Variants in CIZ1 observed in about 807,000 individuals in gnomAD.
The protein encoded by CIZ1 is cip1-interacting zinc finger protein.
In CIZ1, 58 loss-of-function variants were observed where a neutral mutation model predicts 118.6. The observed-to-expected ratio is 0.49, with a 90% CI of 0.40 to 0.61. The LOEUF (loss-of-function observed/expected upper bound fraction) is 0.61, where lower values mean the gene tolerates loss of function less well. Among genes scored for constraint, CIZ1 ranks in the 20% least tolerant of loss-of-function variants. The probability of loss-of-function intolerance (pLI) is 0.00; values close to 1 mark genes in which losing one functional copy is unlikely to be tolerated. For synonymous variants in CIZ1, 448 were observed against 443.4 expected (o/e 1.01, Z -0.13); for missense variants, 921 against 1,115.9 (o/e 0.83, Z 2.49).
chr9:128,170,731 T>G (rs1180224595), intron 11 of CIZ1, among the ~76,000 whole-genome samples: 5 of 152,258 alleles, frequency 3.3e-5, no homozygotes, highest in Non-Finnish European at 7.3e-5. Flanking sequence ...CAGAACAATT[T>G]GTTGTCTACT....
At position 128,166,933 on chromosome 9, in the gene CIZ1, T is replaced by C; in HGVS notation, c.2366-53A>G. The C allele has an allele frequency of 6.2e-7, 1 of 1,613,344 alleles. No homozygotes were observed. Among genetic ancestry groups the C allele is most frequent in the South Asian group, 1.1e-5 (1 of 91,050 alleles). On this transcript the variant is annotated intron_variant, in intron 15 of 16. Transcript: ENST00000372938. This position sits in a 1 kb window ranked among gnomAD's most constrained non-coding sequence, Gnocchi z 4.4. ...CTCACATCCCTGTACCAGCGAGGTG[T>C]CCCTCCCTCTCTAGGGGCCCATGTG...
intron 7 of CIZ1, 34 bp from the exon 8 acceptor site, chr9:128,179,449 C>A: frequency 6.5e-7 from 1 of 1,535,470 alleles, no homozygotes; most frequent in South Asian, 1.3e-5. Context: ...CCAGTCATGT[C>A]TTCAAAGAGG....
intron 8 of CIZ1, 65 bp from the exon 9 acceptor site, chr9:128,178,555 C>T (rs1037361117): frequency 2.5e-6 from 4 of 1,610,850 alleles, no homozygotes; most frequent in Non-Finnish European, 1.7e-6. Flanking sequence ...TCTCCGTCCG[C>T]AGCCAGAACC....
intron 10 of CIZ1, among the ~76,000 whole-genome samples, chr9:128,176,946 C>G (rs894389517): frequency 1.3e-5 from 2 of 152,114 alleles, no homozygotes; most frequent in Non-Finnish European, 2.9e-5. Flanking sequence ...GCTCTGTTAC[C>G]CAGGCTGGAG....
chr9:128,170,089 G>A lies in CIZ1; in HGVS notation c.1962C>T (p.Arg654=). The part of the protein sequence containing the change: ...ETEDEEPPPR[R]WCNTCQLYYM... ...AGTAGAGCTGGCAGGTGTTGCACCAGCGCCTTGGTGGAGGCTCCCTGAATG... is the reference window on the plus strand; with the variant it reads ...AGTAGAGCTGGCAGGTGTTGCACCAACGCCTTGGTGGAGGCTCCCTGAATG... The change falls in exon 12 of 17, where the codon CGC becomes CGT. Residue 654 remains arginine, a synonymous_variant. Transcript: ENST00000372938. 1 of 1,609,320 alleles carries A rather than the reference G, an allele frequency of 6.2e-7. No individual in the cohort carries two copies.
chr9:128,178,078 T>G lies in CIZ1; in HGVS notation c.1620+291A>C, dbSNP rs547526095. Among the ~76,000 whole-genome samples, 36 of 152,166 alleles carry G rather than the reference T, an allele frequency of 2.4e-4. 1 individual carries two copies. The highest frequency in any genetic ancestry group is 8.4e-4 in the African/African-American group (35 of 41,542). ...ATCCCACAGAGAGGCTTCCACTCTG[T>G]GCTCTCTCCACGAGAGCAACATTAC... On this transcript the variant is annotated intron_variant, in intron 9 of 16. Coordinates refer to ENST00000372938, the MANE Select transcript of CIZ1 (RefSeq NM_001131016.2).
chr9:128,192,048 G>T, upstream of CIZ1: 1 of 677,842 alleles, frequency 1.5e-6, no homozygotes, highest in Non-Finnish European at 2.2e-6. Context: ...TCTTTTCTCA[G>T]TAGATTTGGC....
upstream of CIZ1, among the ~76,000 whole-genome samples, chr9:128,193,122 C>T (rs1479306407): frequency 6.6e-6 from 1 of 152,218 alleles, no homozygotes; most frequent in South Asian, 2.1e-4. Context: ...CCTAACTCAA[C>T]CTGGACTAGT....
At chr9:128,184,894 C>T (rs1425954854) in intron 5 of CIZ1, among the ~76,000 whole-genome samples, 1 of 152,046 alleles carries the variant, frequency 6.6e-6, no homozygotes, top group African/African-American at 2.4e-5. Context: ...GGTTTCGAAC[C>T]TCTGACCTCA....
upstream of CIZ1, among the ~76,000 whole-genome samples, chr9:128,195,635 T>G (rs1428525639): frequency 6.6e-6 from 1 of 151,914 alleles, no homozygotes; most frequent in Non-Finnish European, 1.5e-5. Flanking sequence ...CCTATTCTGC[T>G]CCAGGACTTT....
At chr9:128,181,764 C>CG (rs74186833) in intron 5 of CIZ1, among the ~76,000 whole-genome samples, 22 of 116,526 alleles carry the variant, frequency 1.9e-4, no homozygotes, top group African/African-American at 3.7e-4. Flanking sequence ...CCAGGAAAGG[C>CG]GGGGGGGGGG....
In CIZ1 at chr9:128,166,777, G is replaced by C; in HGVS notation, c.2469C>G (p.Gly823=). The change falls in exon 16 of 17, where the codon GGC becomes GGG. Residue 823 remains glycine, a synonymous_variant. Transcript: ENST00000372938. This position sits in a 1 kb window ranked among gnomAD's most constrained non-coding sequence, Gnocchi z 4.4. ...GAQLSHCKSL[G]HFENLQKYKA... is the part of the protein sequence containing the mutation. ...GGCTCACCTGCAGGTTCTCAAAGTGGCCCAGGGACTTGCAGTGGGAGAGCT... is the reference window on the plus strand; with the variant it reads ...GGCTCACCTGCAGGTTCTCAAAGTGCCCCAGGGACTTGCAGTGGGAGAGCT... The C allele has an allele frequency of 6.2e-7, 1 of 1,614,230 alleles. No homozygotes were observed. Among genetic ancestry groups the C allele is most frequent in the Non-Finnish European group, 8.5e-7 (1 of 1,180,030 alleles).
chr9:128,190,816 C>CTGCTGT lies in CIZ1; in HGVS notation c.36_41dup (p.Gln15_Gln16dup), dbSNP rs953125177. ...GCTGCTGTAACTGCTGGAGCTGCTG[C>CTGCTGT]TGCTGTTGCTGGAGCTGCTGCTGCT... On this transcript the variant is annotated inframe_insertion, in exon 2 of 17. Transcript: ENST00000372938. 1.3e-6 allele frequency: 2 copies of CTGCTGT among 1,538,748 alleles called. No homozygotes were observed. Among genetic ancestry groups the CTGCTGT allele is most frequent in the African/African-American group, 1.4e-5 (1 of 73,012 alleles).
At chr9:128,200,473 G>C (rs1158095510) in intron 1 of CIZ1, among the ~76,000 whole-genome samples, 7 of 151,414 alleles carry the variant, frequency 4.6e-5, no homozygotes, top group African/African-American at 1.7e-4. Flanking sequence ...GCCTGGCCAA[G>C]ATGATGAAAC....
At chr9:128,196,144 G>A (rs996972532), upstream of CIZ1, among the ~76,000 whole-genome samples, 1 of 152,164 alleles carries the variant, frequency 6.6e-6, no homozygotes, top group South Asian at 2.1e-4. Flanking sequence ...TGGGATTACA[G>A]GCATGAGCCA....
intron 3 of CIZ1, 104 bp downstream of exon 3, chr9:128,190,225 T>C (rs1588260018): frequency 2.6e-6 from 2 of 781,880 alleles, no homozygotes; most frequent in Admixed American, 2.3e-5. Context: ...ATGCCAAGAA[T>C]AGCTCCCTCT....
At chr9:128,191,691 G>T, upstream of CIZ1, 2 of 1,288,034 alleles carry the variant, frequency 1.6e-6, no homozygotes, top group Non-Finnish European at 2.0e-6. The surrounding 1 kb of genome is among the most constrained non-coding windows in gnomAD (Gnocchi z 5.5). Context: ...GGGCGGCTGC[G>T]GGGCGCTAGC....
rs1265693902 is a variant in CIZ1, at chr9:128,203,327, G to T, written c.-6+859C>A. 54 of 706,630 alleles carry T rather than the reference G, an allele frequency of 7.6e-5. No homozygotes were observed. The highest frequency in any genetic ancestry group is 4.4e-4 in the African/African-American group (23 of 52,468). 43.8% of individuals were successfully genotyped at this position (706,630 alleles called of 1,614,324 possible). The stretch of plus-strand genomic sequence containing the variant: ...CCGCGGGCTCCCCCTAGCGGCGTCC[G>T]GGAGCGGTGCTCGCTCCGATCCCCG... On this transcript the variant is annotated intron_variant, in intron 1 of 17. Coordinates refer to the CIZ1 transcript ENST00000372948. This position sits in a 1 kb window ranked among gnomAD's most constrained non-coding sequence, Gnocchi z 5.3.
chr9:128,189,824 C>CAAAAAAAAAAAAAA (rs56177059), intron 3 of CIZ1, among the ~76,000 whole-genome samples: 1 of 42,244 alleles, frequency 2.4e-5, no homozygotes, highest in African/African-American at 9.6e-5. Context: ...AACTCTGTCT[C>CAAAAAAAAAAAAAA]AAAAAAAAAA....
Sources: gnomAD v4.1 joint callset for allele counts (sites outside exome capture counted in the v4.1 genomes callset) on GRCh38, gnomAD v4.1.1 for gene constraint, Gnocchi (gnomAD v3.1) non-coding constraint, MANE v1.5 for transcripts, NCBI Gene and HGNC (gene_info 2026-07-23, HGNC 2026-07-21) for gene names.